CCDC187: variants seen among roughly 807,000 people sequenced by gnomAD.
The protein encoded by CCDC187 is coiled-coil domain-containing protein 187.
CCDC187 carries 32 observed loss-of-function variants against 38.0 expected under a neutral mutation model. That is an observed-to-expected ratio of 0.84 (90% CI 0.64 to 1.13). The LOEUF is 1.13. CCDC187 is among the 50% of genes most tolerant of loss of function. The pLI is 0.00. For synonymous variants in CCDC187, 333 were observed against 347.9 expected (o/e 0.96, Z 0.48); for missense variants, 707 against 786.8 (o/e 0.90, Z 1.21).
chr9:136,254,869 T>C lies in CCDC187; in HGVS notation c.4959A>G (p.Glu1653=). 1 of 985,460 alleles carries C rather than the reference T, an allele frequency of 1.0e-6. No individual in the cohort carries two copies. The highest frequency in any genetic ancestry group is 1.7e-5 in the African/African-American group (1 of 57,354). The allele number at this position is 985,460 out of a possible 1,614,324, so 61.0% of individuals were successfully genotyped here. A position where few individuals can be genotyped will look rare whatever the true frequency, so the allele number is the denominator to read the frequency against. ...SGSSSSLPSL[E]AEDSPDEGFS... ...AACCTTCGTCTGGGGAGTCTTCAGC[T>C]TCCAAGCTGGGAAGAGAGCTGGAGC... Residue 1653 remains glutamate (E), a synonymous_variant, in exon 26 of 26, where the codon GAA becomes GAG. Transcript: ENST00000638797.
rs1171003599 is a variant in CCDC187 at position 136,258,909 on chromosome 9, C to T, written c.4366+23G>A. On this transcript the variant is annotated intron_variant, in intron 22 of 25. Coordinates refer to ENST00000638797, the MANE Select transcript of CCDC187 (RefSeq NM_001378188.1). The surrounding 1 kb of genome is among the most constrained non-coding windows in gnomAD (Gnocchi z 4.3). The stretch of plus-strand genomic sequence containing the variant: ...AAGTGTCTGGCGCCGTGGAGGCCCA[C>T]GCGGTGTTTCCAGGGTGCTTACCTG... The T allele has an allele frequency of 5.8e-5, 57 of 985,396 alleles. No individual in the cohort carries two copies. In the Admixed American group the frequency reaches 3.0e-3, roughly 52 times the overall value. The allele number at this position is 985,396 out of a possible 1,614,324, so 61.0% of individuals were successfully genotyped here.
At chr9:136,305,305 A>C (rs1831782980), upstream of CCDC187, among the ~76,000 whole-genome samples, 1 of 152,216 alleles carries the variant, frequency 6.6e-6, no homozygotes, top group Non-Finnish European at 1.5e-5. Context: ...GGGATGTTAC[A>C]GGGAGCTTCA....
Position 136,266,295 on chromosome 9 carries a change from C to G in CCDC187, c.3648-252G>C, listed in dbSNP as rs185808769. On this transcript the variant is annotated intron_variant, in intron 16 of 25. Transcript: ENST00000638797. ...ACTTTTGGGTCTAAAGAGACAAAGG[C>G]TAGCCGAGAGCCGCCCCTGCCACCC... 1,450 of 152,942 alleles carry G rather than the reference C, an allele frequency of 9.5e-3. 15 individuals carry two copies. Among genetic ancestry groups the G allele is most frequent in the Non-Finnish European group, 0.014 (951 of 68,576 alleles). 9.5% of individuals were successfully genotyped at this position (152,942 alleles called of 1,614,324 possible).
In CCDC187 at chr9:136,291,651, A is replaced by G. The variant is rs1422564899; in HGVS notation, c.968-6T>C. The G allele has an allele frequency of 1.8e-5, 7 of 398,640 alleles. No individual in the cohort carries two copies. In the East Asian group the frequency reaches 1.8e-4, roughly 10 times the overall value. 24.7% of individuals were successfully genotyped at this position (398,640 alleles called of 1,614,324 possible). ...TATGACTTTCTCGCTGTCTCCTGCA[A>G]AGACAGGAGTGTCAGGGGTGAGGAG... On this transcript the variant is annotated splice_polypyrimidine_tract_variant and splice_region_variant and intron_variant, in intron 5 of 25. Coordinates refer to ENST00000638797, the MANE Select transcript of CCDC187 (RefSeq NM_001378188.1).
At position 136,257,125 on chromosome 9, in the gene CCDC187, A is replaced by G. The variant is rs991142005; in HGVS notation, c.4367-284T>C. On this transcript the variant is annotated intron_variant, in intron 22 of 25. Transcript: ENST00000638797. The surrounding 1 kb of genome is among the most constrained non-coding windows in gnomAD (Gnocchi z 4.5). ...CGCAGTGGCTCACGCCTATAATCCCAGCACTCTGGGAGGCCGAGGCGGGCG... is the reference window on the plus strand; with the variant it reads ...CGCAGTGGCTCACGCCTATAATCCCGGCACTCTGGGAGGCCGAGGCGGGCG... 6.6e-6 allele frequency among the ~76,000 whole-genome samples: 1 copy of G among 152,232 alleles called. No homozygotes were observed. The highest frequency in any genetic ancestry group is 6.5e-5 in the Admixed American group (1 of 15,290).
chr9:136,297,762 T>TG lies in CCDC187; in HGVS notation c.783dup (p.Lys262GlnfsTer6), dbSNP rs1831571423. On this transcript the variant is annotated frameshift_variant, in exon 4 of 26. Coordinates refer to ENST00000638797, the MANE Select transcript of CCDC187 (RefSeq NM_001378188.1). LOFTEE classifies it high-confidence loss of function. Reference sequence around the variant, plus strand: ...GCCGCTCTTCTAGGGGAGGGCAACTTGGGGGTCTTCTCTCTTTTGCAAGAA... The same window carrying TG: ...GCCGCTCTTCTAGGGGAGGGCAACTTGGGGGGTCTTCTCTCTTTTGCAAGAA... The TG allele has an allele frequency of 2.7e-6, 1 of 376,522 alleles. No individual in the cohort carries two copies. Among genetic ancestry groups the TG allele is most frequent in the South Asian group, 1.3e-4 (1 of 7,530 alleles). 23.3% of individuals were successfully genotyped at this position (376,522 alleles called of 1,614,324 possible).
intron 14 of CCDC187, among the ~76,000 whole-genome samples, chr9:136,273,672 C>G (rs538102905): frequency 6.6e-6 from 1 of 152,300 alleles, no homozygotes; most frequent in East Asian, 1.9e-4. Context: ...CTAAGTGTTA[C>G]CACAGGACAC....
Position 136,257,576 on chromosome 9 carries a change from G to A in CCDC187, c.4367-735C>T, listed in dbSNP as rs1025604013. Among the ~76,000 whole-genome samples, 1 of 152,226 alleles carries A rather than the reference G, an allele frequency of 6.6e-6. No individual in the cohort carries two copies. The highest frequency in any genetic ancestry group is 2.4e-5 in the African/African-American group (1 of 41,530). ...CCAGTGCACCGCCGGGGATCACAAAGGGGGACAAAGGGACGGGTGGGGCCA... is the reference window on the plus strand; with the variant it reads ...CCAGTGCACCGCCGGGGATCACAAAAGGGGACAAAGGGACGGGTGGGGCCA... On this transcript the variant is annotated intron_variant, in intron 22 of 25. Coordinates refer to ENST00000638797, the MANE Select transcript of CCDC187 (RefSeq NM_001378188.1). The surrounding 1 kb of genome is among the most constrained non-coding windows in gnomAD (Gnocchi z 4.5).
rs1588652556 is a variant in CCDC187, at chr9:136,263,706, C to T, written c.3828G>A (p.Pro1276=). The change falls in exon 18 of 26, where the codon CCG becomes CCA. Residue 1276 remains proline (P), a synonymous_variant. Transcript: ENST00000638797. ...LQHQRDVVSM[P]GPVDILPIPG... is the part of the protein sequence containing the mutation. Reference sequence around the variant, plus strand: ...GGATGGGGAGGATGTCCACAGGCCCCGGCATGGAGACGACGTCCCTCTGAT... The same window carrying T: ...GGATGGGGAGGATGTCCACAGGCCCTGGCATGGAGACGACGTCCCTCTGAT... 3 of 985,470 alleles carry T rather than the reference C, an allele frequency of 3.0e-6. No homozygotes were observed. Among genetic ancestry groups the T allele is most frequent in the East Asian group, 1.1e-4 (1 of 8,822 alleles). The allele number at this position is 985,470 out of a possible 1,614,324, so 61.0% of individuals were successfully genotyped here. A position where few individuals can be genotyped will look rare whatever the true frequency, so the allele number is the denominator to read the frequency against.
In CCDC187 at chr9:136,260,282, G is replaced by A. The variant is rs1830664956; in HGVS notation, c.4065-18C>T. The A allele has an allele frequency of 2.0e-6, 2 of 984,852 alleles. No individual in the cohort carries two copies. The highest frequency in any genetic ancestry group is 2.4e-6 in the Non-Finnish European group (2 of 829,886). The allele number at this position is 984,852 out of a possible 1,614,324, so 61.0% of individuals were successfully genotyped here. ...TGGGAGGGCTGCACGGCCATGCAGA[G>A]TGGAGGTGACCGCCCGCCCGGCTGC... On this transcript the variant is annotated intron_variant, in intron 19 of 25. Transcript: ENST00000638797.
intron 2 of CCDC187, among the ~76,000 whole-genome samples, chr9:136,301,317 A>G (rs1168820236): frequency 7.3e-6 from 1 of 137,214 alleles, no homozygotes; most frequent in Non-Finnish European, 1.6e-5. Flanking sequence ...CCTTAAAAAA[A>G]CAAAGTCACA....
intron 16 of CCDC187, 24 bp downstream of exon 16, chr9:136,267,360 C>T: frequency 2.0e-6 from 2 of 984,978 alleles, no homozygotes; most frequent in Non-Finnish European, 2.4e-6. Flanking sequence ...CGGGGCGGGG[C>T]CGGCGCCAGG....
intron 20 of CCDC187, among the ~76,000 whole-genome samples, chr9:136,259,874 G>C (rs1286691572): frequency 1.3e-5 from 2 of 152,168 alleles, no homozygotes; most frequent in Admixed American, 1.3e-4. Context: ...CACACCCCTC[G>C]ATCTGTATCT....
chr9:136,303,142 T>C lies in CCDC187; in HGVS notation c.295A>G (p.Met99Val), dbSNP rs2131371904. Residue 99 changes from methionine (M) to valine (V), a missense_variant, in exon 2 of 26, where the codon ATG (methionine) becomes GTG (valine). Coordinates refer to ENST00000638797, the MANE Select transcript of CCDC187 (RefSeq NM_001378188.1). ...GPWGKACSLP[M>V]WSTGPEARDG... ...CTAGCCTCCGGGCCTGTGGACCACA[T>C]GGGCAGGCTGCACGCCTTCCCCCAG... The C allele has an allele frequency of 5.0e-6, 2 of 398,622 alleles. No individual in the cohort carries two copies. The highest frequency in any genetic ancestry group is 1.3e-4 in the South Asian group (1 of 7,862). 24.7% of individuals were successfully genotyped at this position (398,622 alleles called of 1,614,324 possible).
intron 7 of CCDC187, among the ~76,000 whole-genome samples, chr9:136,289,033 G>A (rs982854627): frequency 5.1e-4 from 78 of 152,306 alleles, no homozygotes; most frequent in African/African-American, 1.7e-3. Context: ...CGTTGGCCAC[G>A]AGGTTGTGAA....
In CCDC187 at chr9:136,259,345, T is replaced by G. The variant is rs1830654379; in HGVS notation, c.4296+18A>C. The G allele has an allele frequency of 1.4e-5, 14 of 968,632 alleles. No individual in the cohort carries two copies. Among genetic ancestry groups the G allele is most frequent in the Non-Finnish European group, 1.6e-5 (13 of 822,686 alleles). 60.0% of individuals were successfully genotyped at this position (968,632 alleles called of 1,614,324 possible). A position where few individuals can be genotyped will look rare whatever the true frequency, so the allele number is the denominator to read the frequency against. On this transcript the variant is annotated intron_variant, in intron 21 of 25. Coordinates refer to ENST00000638797, the MANE Select transcript of CCDC187 (RefSeq NM_001378188.1). ...AACAGGCGGTGCTGGGGAAAGGGCT[T>G]CCAGGGAGAGTGCGTACGGGAAAGG...
At chr9:136,298,388 G>A (rs1021132601) in intron 3 of CCDC187, among the ~76,000 whole-genome samples, 2 of 152,196 alleles carry the variant, frequency 1.3e-5, no homozygotes, top group African/African-American at 4.8e-5. Flanking sequence ...GAGAGCCCGA[G>A]GGGGCGGAGT....
At chr9:136,287,564 G>A (rs1831211094) in intron 7 of CCDC187, among the ~76,000 whole-genome samples, 1 of 152,188 alleles carries the variant, frequency 6.6e-6, no homozygotes, top group Non-Finnish European at 1.5e-5. Flanking sequence ...GTCAGTCAGG[G>A]AGTTGGATTT....
intron 2 of CCDC187, among the ~76,000 whole-genome samples, chr9:136,302,472 C>T (rs1394537974): frequency 6.6e-6 from 1 of 152,114 alleles, no homozygotes; most frequent in Non-Finnish European, 1.5e-5. Flanking sequence ...CCTAAGCCCC[C>T]ACAAATCTGA....
Sources: allele counts gnomAD v4.1 joint callset (sites outside exome capture counted in the v4.1 genomes callset), GRCh38; gene constraint gnomAD v4.1.1; non-coding constraint Gnocchi (gnomAD v3.1); transcripts MANE v1.5; gene names NCBI Gene and HGNC (gene_info 2026-07-23, HGNC 2026-07-21).